EMC1: variants seen among roughly 807,000 people sequenced by gnomAD.
EMC1 encodes KIAA0090.
Under a neutral mutation model 128.8 loss-of-function variants are expected in EMC1, and 103 were observed. The ratio of observed to expected loss-of-function variants is 0.80; its 90% CI spans 0.68 to 0.94. The LOEUF (loss-of-function observed/expected upper bound fraction) is 0.94. Ranked by LOEUF, EMC1 falls within the 40% of genes least tolerant of loss-of-function variation. The pLI is 0.00. For synonymous variants in EMC1, 442 were observed against 490.4 expected, an observed-to-expected ratio of 0.90 and a Z score of 1.30; for missense variants, 1,083 against 1,250.6, an observed-to-expected ratio of 0.87 and a Z score of 2.02.
At chr1:19,224,492 A>G (rs1236437028) in intron 18 of EMC1, among the ~76,000 whole-genome samples, 1 of 152,154 alleles carries the variant, frequency 6.6e-6, no homozygotes, top group Non-Finnish European at 1.5e-5. Context: ...GCCTCGAGTT[A>G]TCCTTGACTC....
intron 8 of EMC1, 79 bp from the exon 9 acceptor site, chr1:19,239,381 G>C: frequency 7.7e-7 from 1 of 1,303,844 alleles, no homozygotes; most frequent in Non-Finnish European, 1.1e-6. Context: ...CCTCTCCAGG[G>C]AAGGCCCTTG....
At chr1:19,244,510 C>G (rs1233500879) in intron 2 of EMC1, 1 of 246,284 alleles carries the variant, frequency 4.1e-6, no homozygotes, top group African/African-American at 2.3e-5. Flanking sequence ...CTGCTGGGCT[C>G]AAGCAATCCT....
intron 20 of EMC1, chr1:19,221,065 A>C (rs942932806): frequency 2.6e-6 from 1 of 390,018 alleles, no homozygotes; most frequent in Non-Finnish European, 4.6e-6. Context: ...TTTCTGAGAC[A>C]CCAGAAAATA....
chr1:19,235,859 C>T (rs772110956), intron 12 of EMC1, among the ~76,000 whole-genome samples: 8 of 152,082 alleles, frequency 5.3e-5, no homozygotes, highest in Non-Finnish European at 1.2e-4. Flanking sequence ...CGCCACTGTA[C>T]TCCAGACTGG....
intron 3 of EMC1, 33 bp downstream of exon 3, chr1:19,243,917 C>T (rs769629308): frequency 6.2e-6 from 10 of 1,610,722 alleles, no homozygotes; most frequent in Non-Finnish European, 8.5e-6. Flanking sequence ...GGGAGCTGGC[C>T]GCACAATGGA....
intron 18 of EMC1, among the ~76,000 whole-genome samples, chr1:19,226,865 A>C (rs1352155102): frequency 6.6e-6 from 1 of 152,032 alleles, no homozygotes. Context: ...TGAGCCACCA[A>C]GCCCAGCCGT....
intron 15 of EMC1, among the ~76,000 whole-genome samples, chr1:19,231,828 GC>G (rs879813540): frequency 5.3e-5 from 8 of 152,084 alleles, no homozygotes; most frequent in Non-Finnish European, 1.0e-4. Context: ...TCACCATGTT[GC>G]CCAGGCTGGT....
rs1314642061 is a variant in EMC1, at chr1:19,218,331, A to G, written c.*972T>C. ...ACCCCTACCCTCTTTCTCCTTTTTT[A>G]AAGCTTCAAAGGTTAGATCAATAAA... On this transcript the variant is annotated 3_prime_UTR_variant, in exon 23 of 23. Coordinates refer to ENST00000477853, the MANE Select transcript of EMC1 (RefSeq NM_015047.3). The G allele has an allele frequency of 6.6e-6, 1 of 152,210 alleles. No individual in the cohort carries two copies. Among genetic ancestry groups the G allele is most frequent in the African/African-American group, 2.4e-5 (1 of 41,450 alleles). 9.4% of individuals were successfully genotyped at this position (152,210 alleles called of 1,614,324 possible). A position where few individuals can be genotyped will look rare whatever the true frequency, so the allele number is the denominator to read the frequency against.
chr1:19,236,967 CAAAAAAAAAAAAA>C (rs35897979), intron 12 of EMC1, among the ~76,000 whole-genome samples, 162 bp downstream of exon 12: 2 of 58,362 alleles, frequency 3.4e-5, no homozygotes. Context: ...GACTCTATCT[CAAAAAAAAAAAAA>C]AAAAAAAAAA....
At position 19,219,139 on chromosome 1, in the gene EMC1, A is replaced by G. The variant is rs2151933004; in HGVS notation, c.*164T>C. Reference sequence around the variant, plus strand: ...ATGTAGGATCCTTTCTGCATCATGTATATCCCAAAAGGAGTTCTGCGTGAA... The same window carrying G: ...ATGTAGGATCCTTTCTGCATCATGTGTATCCCAAAAGGAGTTCTGCGTGAA... On this transcript the variant is annotated 3_prime_UTR_variant, in exon 23 of 23. Coordinates refer to ENST00000477853, the MANE Select transcript of EMC1 (RefSeq NM_015047.3). The G allele has an allele frequency of 1.6e-6, 1 of 634,558 alleles. No homozygotes were observed. Among genetic ancestry groups the G allele is most frequent in the South Asian group, 1.9e-5 (1 of 51,714 alleles). 39.3% of individuals were successfully genotyped at this position (634,558 alleles called of 1,614,324 possible).
chr1:19,230,981 G>A lies in EMC1; in HGVS notation c.1945-18C>T. 1 of 1,613,016 alleles carries A rather than the reference G, an allele frequency of 6.2e-7. No homozygotes were observed. Among genetic ancestry groups the A allele is most frequent in the South Asian group, 1.1e-5 (1 of 91,020 alleles). ...GCTGTGACCTTGAAAAACCCAGAGA[G>A]CCCAAGGAAAGAGTTAGGAAATTTC... is the stretch of plus-strand genomic sequence containing the variant. On this transcript the variant is annotated intron_variant, in intron 16 of 22. Coordinates refer to ENST00000477853, the MANE Select transcript of EMC1 (RefSeq NM_015047.3).
At chr1:19,240,964 C>T in intron 6 of EMC1, 52 bp downstream of exon 6, 1 of 1,592,136 alleles carries the variant, frequency 6.3e-7, no homozygotes, top group Non-Finnish European at 8.6e-7. Context: ...AGAAATCTAT[C>T]AAGTCTCCCC....
chr1:19,233,743 G>A (rs562413800), intron 13 of EMC1, among the ~76,000 whole-genome samples: 1 of 152,288 alleles, frequency 6.6e-6, no homozygotes, highest in South Asian at 2.1e-4. Context: ...AGGAAGCAAG[G>A]TAAAGAGCAT....
intron 9 of EMC1, 72 bp from the exon 10 acceptor site, chr1:19,238,929 G>A (rs1403204504): frequency 3.6e-6 from 4 of 1,112,776 alleles, no homozygotes; most frequent in Non-Finnish European, 5.5e-6. Context: ...TGAAGCTTTT[G>A]TTTTTGTCTT....
intron 9 of EMC1, 97 bp from the exon 10 acceptor site, chr1:19,238,954 G>T (rs2093586626): frequency 2.2e-6 from 2 of 923,714 alleles, no homozygotes; most frequent in Admixed American, 3.7e-5. Flanking sequence ...GCACTTGAGA[G>T]AAGACAAAGC....
intron 15 of EMC1, among the ~76,000 whole-genome samples, chr1:19,231,980 G>A (rs1367636742): frequency 2.6e-5 from 4 of 152,174 alleles, no homozygotes. Context: ...TCAGCAACCT[G>A]GCCGGGCGTG....
At position 19,233,287 on chromosome 1, in the gene EMC1, G is replaced by A. The variant is rs191039739; in HGVS notation, c.1433-152C>T. 4.0e-5 allele frequency: 27 copies of A among 679,134 alleles called. No individual in the cohort carries two copies. The East Asian group carries it at 5.2e-4, about 13-fold the overall frequency. 42.1% of individuals were successfully genotyped at this position (679,134 alleles called of 1,614,324 possible). A position where few individuals can be genotyped will look rare whatever the true frequency, so the allele number is the denominator to read the frequency against. On this transcript the variant is annotated intron_variant, in intron 13 of 22. Transcript: ENST00000477853. ...CCCAAAGGGCAGTCCTGTATCTGAT[G>A]CCCAAAGTCTCACACTCAGGTGAGG... is the stretch of plus-strand genomic sequence containing the variant.
intron 12 of EMC1, among the ~76,000 whole-genome samples, chr1:19,236,914 G>A (rs1433708341): frequency 6.7e-6 from 1 of 148,992 alleles, no homozygotes. Flanking sequence ...ATTGCAGTGG[G>A]CCGAGATCAT....
In EMC1 at chr1:19,223,573, G is replaced by A. The variant is rs2093448605; in HGVS notation, c.2203-4C>T. On this transcript the variant is annotated splice_polypyrimidine_tract_variant and splice_region_variant and intron_variant, in intron 18 of 22. Coordinates refer to ENST00000477853, the MANE Select transcript of EMC1 (RefSeq NM_015047.3). ...CCAGCAGGTTGGGGTTCAGGCTCTG[G>A]AGAGAGAGAGAAAACCTCCCTTAGA... is the stretch of plus-strand genomic sequence containing the variant. 1.2e-6 allele frequency: 2 copies of A among 1,608,198 alleles called. No individual in the cohort carries two copies. Among genetic ancestry groups the A allele is most frequent in the Non-Finnish European group, 8.5e-7 (1 of 1,176,906 alleles).
Sources: gnomAD v4.1 joint callset for allele counts (sites outside exome capture counted in the v4.1 genomes callset) on GRCh38, gnomAD v4.1.1 for gene constraint, MANE v1.5 for transcripts, NCBI Gene and HGNC (gene_info 2026-07-23, HGNC 2026-07-21) for gene names.